TRPM6: variants seen among roughly 807,000 people sequenced by gnomAD.
TRPM6 encodes transient receptor potential cation channel subfamily M member 6.
In TRPM6, 111 loss-of-function variants were observed where a neutral mutation model predicts 247.6. The ratio of observed to expected loss-of-function variants is 0.45; its 90% confidence interval spans 0.38 to 0.52. The LOEUF (loss-of-function observed/expected upper bound fraction) is 0.52, where lower values mean the gene tolerates loss of function less well. Ranked by LOEUF, TRPM6 falls within the 20% of genes least tolerant of loss-of-function variation. The pLI is 0.00. For missense variants in TRPM6, 2,126 were observed against 2,421.5 expected (o/e 0.88, Z 2.56); for synonymous variants, 892 against 853.8 (o/e 1.04, Z -0.78).
At chr9:74,729,630 C>G (rs1825454054) in intron 37 of TRPM6, among the ~76,000 whole-genome samples, 1 of 152,184 alleles carries the variant, frequency 6.6e-6, no homozygotes, top group African/African-American at 2.4e-5. Context: ...TTAACTATTC[C>G]TCTCTCTTTG....
At chr9:74,831,732 A>C (rs547614479) in intron 6 of TRPM6, among the ~76,000 whole-genome samples, 32 of 152,340 alleles carry the variant, frequency 2.1e-4, no homozygotes, top group Admixed American at 4.6e-4. Context: ...GGATTGAAAT[A>C]TGACAAAGAT....
intron 1 of TRPM6, among the ~76,000 whole-genome samples, chr9:74,859,882 T>G (rs1415410525): frequency 6.6e-6 from 1 of 152,152 alleles, no homozygotes; most frequent in Non-Finnish European, 1.5e-5. Flanking sequence ...AAACTCCACG[T>G]CAGTGCAGTC....
chr9:74,724,733 AT>A lies in TRPM6; in HGVS notation c.5948del (p.Asn1983MetfsTer8). On this transcript the variant is annotated frameshift_variant, in exon 39 of 39. Coordinates refer to ENST00000360774, the MANE Select transcript of TRPM6 (RefSeq NM_017662.5). LOFTEE classifies it low-confidence loss of function (END_TRUNC). ...AATTTATCCTTTCAGGGGAATAGTCATTTCTTTTTAAATCTGCAAGGAGGAC... is the reference window on the plus strand; with the variant it reads ...AATTTATCCTTTCAGGGGAATAGTCATTCTTTTTAAATCTGCAAGGAGGAC... ...RKLKLPDLKRNDYSPERINST... is the reference protein window; with the variant it reads ...RKLKLPDLKRXDYSPERINST... 6.2e-7 allele frequency: 1 copy of A among 1,614,154 alleles called. No homozygotes were observed. Among genetic ancestry groups the A allele is most frequent in the Non-Finnish European group, 8.5e-7 (1 of 1,180,004 alleles).
chr9:74,887,789 C>G, intron 1 of TRPM6, 35 bp downstream of exon 1: 1 of 1,614,152 alleles, frequency 6.2e-7, no homozygotes, highest in Non-Finnish European at 8.5e-7. Context: ...CGCCTAAGGT[C>G]CTTGTTCCCC....
intron 32 of TRPM6, among the ~76,000 whole-genome samples, chr9:74,742,863 G>C (rs1825906791): frequency 6.6e-6 from 1 of 152,138 alleles, no homozygotes; most frequent in African/African-American, 2.4e-5. Flanking sequence ...GTCTGAGGTA[G>C]GACTATCACC....
intron 21 of TRPM6, among the ~76,000 whole-genome samples, chr9:74,785,574 G>C (rs141491318): frequency 2.0e-4 from 31 of 152,134 alleles, no homozygotes; most frequent in South Asian, 6.2e-4. Context: ...TCAAGCTGGA[G>C]TGCAGTGGCG....
At chr9:74,771,891 T>A in intron 24 of TRPM6, 56 bp from the exon 25 acceptor site, 1 of 1,541,570 alleles carries the variant, frequency 6.5e-7, no homozygotes, top group Non-Finnish European at 8.9e-7. Context: ...AGGGCATGAG[T>A]GGCTTTTCTT....
chr9:74,835,473 T>C (rs1829693933), intron 5 of TRPM6, among the ~76,000 whole-genome samples: 1 of 152,166 alleles, frequency 6.6e-6, no homozygotes, highest in South Asian at 2.1e-4. Context: ...TTAATAGCTT[T>C]ATATGCACAA....
chr9:74,829,323 A>T (rs1829466100), intron 6 of TRPM6, among the ~76,000 whole-genome samples: 1 of 152,200 alleles, frequency 6.6e-6, no homozygotes, highest in Non-Finnish European at 1.5e-5. Flanking sequence ...ACAGTGGAAC[A>T]GCCAACCAGC....
Position 74,827,938 on chromosome 9 carries a change from C to G in TRPM6, c.681G>C (p.Leu227=). ...TGAGGGGGTTATCCAGAGTCTGGTA[C>G]AGGCACACCACCTGAGAGACAGCAA... The part of the protein sequence containing the change: ...RDLIGKDVVC[L]YQTLDNPLSK... The change falls in exon 7 of 39, where the codon CTG becomes CTC. Residue 227 remains leucine (L), a synonymous_variant. Transcript: ENST00000360774. The G allele has an allele frequency of 6.2e-7, 1 of 1,614,050 alleles. No individual in the cohort carries two copies. The highest frequency in any genetic ancestry group is 1.3e-5 in the African/African-American group (1 of 75,018).
intron 13 of TRPM6, among the ~76,000 whole-genome samples, chr9:74,809,021 T>C (rs575959644): frequency 3.9e-5 from 6 of 152,338 alleles, no homozygotes; most frequent in South Asian, 2.1e-4. Context: ...TTACAGACTA[T>C]GTGAAAGGGT....
chr9:74,732,869 G>T, intron 36 of TRPM6, 133 bp from the exon 37 acceptor site: 1 of 750,894 alleles, frequency 1.3e-6, no homozygotes, highest in Non-Finnish European at 2.2e-6. Context: ...AACATCATGA[G>T]CCCATACTTC....
At chr9:74,820,553 A>G in intron 8 of TRPM6, 126 bp from the exon 9 acceptor site, 1 of 1,199,184 alleles carries the variant, frequency 8.3e-7, no homozygotes. Context: ...CTGCCAGAAG[A>G]GCAAATGAGG....
In TRPM6 at chr9:74,862,096, G is replaced by GAAAA. The variant is rs577562437; in HGVS notation, c.34-3352_34-3349dup. Among the ~76,000 whole-genome samples, 531 of 100,424 alleles carry GAAAA rather than the reference G, an allele frequency of 5.3e-3. 35 individuals carry two copies. The highest frequency in any genetic ancestry group is 0.016 in the Middle Eastern group (3 of 188). 65.9% of individuals were successfully genotyped at this position (100,424 alleles called of 152,430 possible). A position where few individuals can be genotyped will look rare whatever the true frequency, so the allele number is the denominator to read the frequency against. The stretch of plus-strand genomic sequence containing the variant: ...CGGTTATCTTATCTCAAAACTACCA[G>GAAAA]AAAAAAAAAAAAAAAAAAAAAGCAG... On this transcript the variant is annotated intron_variant, in intron 1 of 38. Transcript: ENST00000360774.
At chr9:74,852,838 C>A (rs944990101) in intron 3 of TRPM6, among the ~76,000 whole-genome samples, 1 of 152,052 alleles carries the variant, frequency 6.6e-6, no homozygotes, top group Non-Finnish European at 1.5e-5. Flanking sequence ...TCTCGGCTCG[C>A]TACAACCTCC....
At chr9:74,870,994 A>T (rs918133437) in intron 1 of TRPM6, among the ~76,000 whole-genome samples, 17 of 152,268 alleles carry the variant, frequency 1.1e-4, no homozygotes, top group African/African-American at 3.9e-4. Context: ...TTCTATTTTT[A>T]AAAAATAATA....
chr9:74,837,080 C>A (rs1829748489), intron 5 of TRPM6, among the ~76,000 whole-genome samples: 2 of 152,218 alleles, frequency 1.3e-5, no homozygotes, highest in Non-Finnish European at 2.9e-5. Context: ...CCGTGTTACT[C>A]CTCTTTCATT....
At chr9:74,865,429 C>A (rs1467438319) in intron 1 of TRPM6, among the ~76,000 whole-genome samples, 1 of 152,178 alleles carries the variant, frequency 6.6e-6, no homozygotes, top group African/African-American at 2.4e-5. Context: ...CTTGTTAAAT[C>A]ATTCTGATAA....
At chr9:74,819,178 A>C (rs1039167883) in intron 9 of TRPM6, among the ~76,000 whole-genome samples, 1 of 152,032 alleles carries the variant, frequency 6.6e-6, no homozygotes, top group African/African-American at 2.4e-5. Flanking sequence ...GCATGGTGGC[A>C]TGCACCTGTA....
Sources: gnomAD v4.1 joint callset for allele counts (sites outside exome capture counted in the v4.1 genomes callset) on GRCh38, gnomAD v4.1.1 for gene constraint, MANE v1.5 for transcripts, NCBI Gene and HGNC (gene_info 2026-07-23, HGNC 2026-07-21) for gene names.